PCDHGB7: variants seen among roughly 807,000 people sequenced by gnomAD.
The protein encoded by PCDHGB7 is protocadherin gamma-B7.
PCDHGB7 carries 37 observed loss-of-function variants against 61.4 expected under a neutral mutation model. The ratio of observed to expected loss-of-function variants is 0.60; its 90% CI spans 0.46 to 0.79. The LOEUF (loss-of-function observed/expected upper bound fraction) is 0.79. Among genes scored for constraint, PCDHGB7 ranks in the 30% least tolerant of loss-of-function variants. The pLI is 0.00. For missense variants in PCDHGB7, 1,166 were observed against 1,202.5 expected (o/e 0.97, Z 0.45); for synonymous variants, 464 against 503.5 (o/e 0.92, Z 1.05).
chr5:141,494,785 T>G, intron 1 of PCDHGB7, 22 bp from the exon 2 acceptor site: 1 of 1,614,016 alleles, frequency 6.2e-7, no homozygotes, highest in Non-Finnish European at 8.5e-7. Flanking sequence ...ACTCAGCCCC[T>G]TTCCCTCTGT....
chr5:141,423,288 C>T, intron 1 of PCDHGB7: 1 of 1,586,414 alleles, frequency 6.3e-7, no homozygotes, highest in African/African-American at 1.3e-5. Context: ...ACTCTGAAAC[C>T]TCAGACCTCT....
intron 3 of PCDHGB7, among the ~76,000 whole-genome samples, chr5:141,507,861 C>T (rs538942097): frequency 7.0e-4 from 106 of 152,306 alleles, no homozygotes; most frequent in African/African-American, 2.5e-3. Flanking sequence ...CTTTCACACC[C>T]GCTTCCTAGC....
At chr5:141,458,319 T>C (rs2879229) in intron 1 of PCDHGB7, among the ~76,000 whole-genome samples, 84,591 of 151,864 alleles carry the variant, frequency 0.56, 26,265 homozygotes, top group African/African-American at 0.85. Flanking sequence ...CACAGACACA[T>C]GTGGAGTGGT....
Position 141,512,040 on chromosome 5 carries a change from A to G in PCDHGB7, c.*867A>G, listed in dbSNP as rs775766584. 1.3e-5 allele frequency: 2 copies of G among 152,838 alleles called. No homozygotes were observed. The highest frequency in any genetic ancestry group is 2.9e-5 in the Non-Finnish European group (2 of 68,198). 9.5% of individuals were successfully genotyped at this position (152,838 alleles called of 1,614,324 possible). A position where few individuals can be genotyped will look rare whatever the true frequency, so the allele number is the denominator to read the frequency against. ...ATCAAGGCCTTGGAGGAGGCTCTGT[A>G]TGTCCTCAGGGGACTGACAACATCC... On this transcript the variant is annotated 3_prime_UTR_variant, in exon 4 of 4. Coordinates refer to ENST00000398594, the MANE Select transcript of PCDHGB7 (RefSeq NM_018927.4).
chr5:141,450,734 G>A (rs1365470415), intron 1 of PCDHGB7, among the ~76,000 whole-genome samples: 6 of 151,868 alleles, frequency 4.0e-5, no homozygotes, highest in South Asian at 2.1e-4. Context: ...TGATCCGCCC[G>A]CCTTGGCCTC....
chr5:141,467,476 G>C (rs114088806), intron 1 of PCDHGB7, among the ~76,000 whole-genome samples: 1,866 of 152,156 alleles, frequency 0.012, 41 homozygotes, highest in African/African-American at 0.043. Flanking sequence ...CATGGTTTTT[G>C]GTTTCCACAT....
intron 1 of PCDHGB7, chr5:141,430,974 C>G: frequency 6.2e-7 from 1 of 1,613,072 alleles, no homozygotes; most frequent in East Asian, 2.2e-5. Flanking sequence ...AGAGGTAGGA[C>G]GCAGCTTTTC....
chr5:141,458,514 T>G (rs1338106276), intron 1 of PCDHGB7, among the ~76,000 whole-genome samples: 1 of 129,036 alleles, frequency 7.7e-6, no homozygotes, highest in African/African-American at 3.6e-5. Context: ...TGACACTTTG[T>G]TTTTTTTTTT....
At chr5:141,421,675 G>A in intron 1 of PCDHGB7, 2 of 1,613,910 alleles carry the variant, frequency 1.2e-6, no homozygotes, top group Non-Finnish European at 1.7e-6. Context: ...CGCAATTCCT[G>A]GGGCGCGATT....
intron 1 of PCDHGB7, among the ~76,000 whole-genome samples, chr5:141,460,753 A>ATATACATATTGCATATGTATG (rs1435827019): frequency 4.6e-5 from 7 of 152,094 alleles, no homozygotes; most frequent in Non-Finnish European, 1.0e-4. Flanking sequence ...ATATGTGTAC[A>ATATACATATTGCATATGTATG]TATACATATT....
At chr5:141,483,670 A>G (rs1158511173) in intron 1 of PCDHGB7, among the ~76,000 whole-genome samples, 1 of 138,404 alleles carries the variant, frequency 7.2e-6, no homozygotes, top group African/African-American at 3.1e-5. Context: ...GTGTGTGTGT[A>G]AAAGAACACA....
At chr5:141,430,076 T>C (rs2097260023) in intron 1 of PCDHGB7, among the ~76,000 whole-genome samples, 1 of 152,208 alleles carries the variant, frequency 6.6e-6, no homozygotes, top group South Asian at 2.1e-4. Context: ...GTTTCCATAA[T>C]ATCATGAAAA....
At chr5:141,453,969 A>T (rs543979166) in intron 1 of PCDHGB7, among the ~76,000 whole-genome samples, 13 of 152,356 alleles carry the variant, frequency 8.5e-5, no homozygotes, top group South Asian at 2.1e-4. Flanking sequence ...CAAAGCATGT[A>T]GTTGTGTTGC....
chr5:141,487,499 G>A lies in PCDHGB7; in HGVS notation c.2416-7308G>A, dbSNP rs2099647158. On this transcript the variant is annotated intron_variant, in intron 1 of 3. Transcript: ENST00000398594. This position sits in a 1 kb window ranked among gnomAD's most constrained non-coding sequence, Gnocchi z 5.0. ...CCACTCTCATGGCTGTACACCCTTGGCTTCTGCACCCACTCGGAGTGATAG... is the reference window on the plus strand; with the variant it reads ...CCACTCTCATGGCTGTACACCCTTGACTTCTGCACCCACTCGGAGTGATAG... The A allele has an allele frequency of 3.1e-6, 5 of 1,614,152 alleles. No homozygotes were observed. The highest frequency in any genetic ancestry group is 2.2e-5 in the East Asian group (1 of 44,852).
chr5:141,484,697 T>C (rs746981788), intron 1 of PCDHGB7, among the ~76,000 whole-genome samples: 11 of 151,988 alleles, frequency 7.2e-5, no homozygotes, highest in Non-Finnish European at 1.3e-4. Context: ...AGGCTGTGGC[T>C]GTTTTCCCCG....
In PCDHGB7 at chr5:141,420,166, A is replaced by G; in HGVS notation, c.2307A>G (p.Thr769=). 2 of 1,614,036 alleles carry G rather than the reference A, an allele frequency of 1.2e-6. No homozygotes were observed. The highest frequency in any genetic ancestry group is 1.7e-6 in the Non-Finnish European group (2 of 1,179,884). ...TGAATCCAGAATTTAATTTTTTCAC[A>G]TCTGTTGATCATTGTCCAGCCACAC... is the stretch of plus-strand genomic sequence containing the variant. ...DQMNPEFNFF[T]SVDHCPATQD... is the part of the protein sequence containing the mutation. Residue 769 remains threonine (T), a synonymous_variant, in exon 1 of 4, where the codon ACA becomes ACG. Coordinates refer to ENST00000398594, the MANE Select transcript of PCDHGB7 (RefSeq NM_018927.4).
chr5:141,494,441 C>T (rs1187169994), intron 1 of PCDHGB7, among the ~76,000 whole-genome samples: 2 of 152,154 alleles, frequency 1.3e-5, no homozygotes, highest in African/African-American at 4.8e-5. Context: ...TCCTTTGCCA[C>T]TTTAGGGGGC....
Position 141,486,971 on chromosome 5 carries a change from T to G in PCDHGB7, c.2416-7836T>G. ...AAAGGTGACTGCTGTGGACTTGGAT[T>G]CAGGTTACAATGCTTGGGTTTCCTA... On this transcript the variant is annotated intron_variant, in intron 1 of 3. Transcript: ENST00000398594. The surrounding 1 kb of genome is among the most constrained non-coding windows in gnomAD (Gnocchi z 5.0). The G allele has an allele frequency of 6.2e-7, 1 of 1,614,220 alleles. No homozygotes were observed. The highest frequency in any genetic ancestry group is 8.5e-7 in the Non-Finnish European group (1 of 1,180,042).
intron 1 of PCDHGB7, chr5:141,440,744 A>C (rs2098197850): frequency 6.6e-6 from 1 of 152,194 alleles, no homozygotes; most frequent in Non-Finnish European, 1.5e-5. Context: ...CTGCTTGACT[A>C]GGAAAAGCAG....
Sources: allele counts gnomAD v4.1 joint callset (sites outside exome capture counted in the v4.1 genomes callset), GRCh38; gene constraint gnomAD v4.1.1; non-coding constraint Gnocchi (gnomAD v3.1); transcripts MANE v1.5; gene names NCBI Gene and HGNC (gene_info 2026-07-23, HGNC 2026-07-21).